XKR4: variants seen among roughly 807,000 people sequenced by gnomAD.
XKR4 encodes the protein XK-related protein 4.
XKR4 carries 12 observed loss-of-function variants against 53.9 expected under a neutral mutation model. The ratio of observed to expected loss-of-function variants is 0.22; its 90% CI spans 0.14 to 0.36. XKR4 has a LOEUF of 0.36. Ranked by LOEUF, XKR4 falls within the 10% of genes least tolerant of loss-of-function variation. The pLI is 1.00. For synonymous variants in XKR4, 354 were observed against 362.4 expected, an observed-to-expected ratio of 0.98 and a Z score of 0.26; for missense variants, 799 against 859.5, an observed-to-expected ratio of 0.93 and a Z score of 0.88.
At chr8:55,321,805 G>A (rs1174845862) in intron 1 of XKR4, among the ~76,000 whole-genome samples, 9 of 151,970 alleles carry the variant, frequency 5.9e-5, no homozygotes, top group African/African-American at 2.2e-4. Flanking sequence ...CCTGGCCAAC[G>A]TGGTGAAACC....
chr8:55,121,488 T>C (rs1228819828), intron 1 of XKR4, among the ~76,000 whole-genome samples: 1 of 152,230 alleles, frequency 6.6e-6, no homozygotes, highest in Non-Finnish European at 1.5e-5. Flanking sequence ...AGTTTGCTGT[T>C]TAGAATTTAT....
In XKR4 at chr8:55,229,100, C is replaced by T. The variant is rs192447062; in HGVS notation, c.806+125806C>T. The stretch of plus-strand genomic sequence containing the variant: ...GGAGCATGTTGTCATATGTCCGTGA[C>T]CAGGTTCCCAAACCCAGCCTACCTG... On this transcript the variant is annotated intron_variant, in intron 1 of 2. Transcript: ENST00000327381. Among the ~76,000 whole-genome samples, 248 of 152,338 alleles carry T rather than the reference C, an allele frequency of 1.6e-3. 1 individual carries two copies. Among genetic ancestry groups the T allele is most frequent in the African/African-American group, 5.6e-3 (231 of 41,572 alleles).
intron 1 of XKR4, among the ~76,000 whole-genome samples, chr8:55,325,855 A>AGAC (rs1803283980): frequency 1.3e-5 from 2 of 152,246 alleles, no homozygotes; most frequent in Admixed American, 6.5e-5. Context: ...CAAAAGAATA[A>AGAC]GACCTGGTAA....
chr8:55,415,286 G>A (rs569828109), intron 2 of XKR4, among the ~76,000 whole-genome samples: 19 of 152,160 alleles, frequency 1.2e-4, no homozygotes, highest in Non-Finnish European at 1.8e-4. Flanking sequence ...TATAAGGCAG[G>A]GAGGGCAAGG....
At chr8:55,305,980 T>C (rs1394064881) in intron 1 of XKR4, among the ~76,000 whole-genome samples, 1 of 152,252 alleles carries the variant, frequency 6.6e-6, no homozygotes, top group Admixed American at 6.5e-5. Flanking sequence ...GTAAATTGTT[T>C]AGTTTTCTCT....
chr8:55,262,761 G>A (rs1182666140), intron 1 of XKR4, among the ~76,000 whole-genome samples: 1 of 152,206 alleles, frequency 6.6e-6, no homozygotes, highest in Non-Finnish European at 1.5e-5. Flanking sequence ...GACTATGACA[G>A]TGGTAGAGCT....
chr8:55,221,660 G>T (rs568519328), intron 1 of XKR4, among the ~76,000 whole-genome samples: 2 of 152,132 alleles, frequency 1.3e-5, no homozygotes, highest in Non-Finnish European at 2.9e-5. Flanking sequence ...CACCCCCATC[G>T]CTCTCTTCAG....
In XKR4 at chr8:55,337,065, G is replaced by A. The variant is rs371787584; in HGVS notation, c.807-20613G>A. 5.9e-5 allele frequency among the ~76,000 whole-genome samples: 9 copies of A among 152,202 alleles called. No individual in the cohort carries two copies. The East Asian group carries it at 1.5e-3, about 26-fold the overall frequency. On this transcript the variant is annotated intron_variant, in intron 1 of 2. Transcript: ENST00000327381. Reference sequence around the variant, plus strand: ...ATATTTGGGTCTGAAACATTTCTGTGTGCCGCAGTTACATCCTGGCCAGCC... The same window carrying A: ...ATATTTGGGTCTGAAACATTTCTGTATGCCGCAGTTACATCCTGGCCAGCC...
At chr8:55,366,678 CTATTT>C (rs1803993458) in intron 2 of XKR4, among the ~76,000 whole-genome samples, 1 of 152,174 alleles carries the variant, frequency 6.6e-6, no homozygotes, top group Admixed American at 6.5e-5. Context: ...AAAACAAGAG[CTATTT>C]TATTTTCTCA....
intron 1 of XKR4, among the ~76,000 whole-genome samples, chr8:55,184,947 A>G (rs1817356941): frequency 6.6e-6 from 1 of 152,208 alleles, no homozygotes; most frequent in Non-Finnish European, 1.5e-5. Flanking sequence ...CAATATCTTA[A>G]TATTCAATAG....
chr8:55,218,698 G>A (rs537352007), intron 1 of XKR4, among the ~76,000 whole-genome samples: 4 of 152,286 alleles, frequency 2.6e-5, no homozygotes, highest in African/African-American at 9.6e-5. Flanking sequence ...ACATTTCAGT[G>A]TTCAGTCACA....
intron 1 of XKR4, among the ~76,000 whole-genome samples, chr8:55,213,442 C>A (rs377648502): frequency 2.6e-5 from 4 of 152,158 alleles, no homozygotes; most frequent in Admixed American, 2.6e-4. Context: ...TGAAAAGTAT[C>A]TCGAGTACCA....
At chr8:55,426,610 A>T (rs534069905) in intron 2 of XKR4, among the ~76,000 whole-genome samples, 74 of 152,350 alleles carry the variant, frequency 4.9e-4, no homozygotes, top group African/African-American at 1.7e-3. Context: ...GAGTAGTTCA[A>T]AACTGCTAAA....
intron 1 of XKR4, among the ~76,000 whole-genome samples, chr8:55,214,100 G>A (rs1236634259): frequency 6.6e-6 from 1 of 151,986 alleles, no homozygotes; most frequent in Non-Finnish European, 1.5e-5. Flanking sequence ...GCCCTCTAGT[G>A]ATTTGCCTGT....
intron 2 of XKR4, among the ~76,000 whole-genome samples, chr8:55,504,714 T>C (rs900017390): frequency 3.9e-5 from 6 of 152,198 alleles, no homozygotes; most frequent in Non-Finnish European, 7.4e-5. Context: ...TGGTTTTGCC[T>C]AACAGATGTT....
At chr8:55,316,267 C>A (rs1015199002) in intron 1 of XKR4, among the ~76,000 whole-genome samples, 2 of 152,208 alleles carry the variant, frequency 1.3e-5, no homozygotes, top group Non-Finnish European at 2.9e-5. Context: ...TCTTCCACAT[C>A]TTGTGACCAG....
chr8:55,198,298 G>A (rs955194962), intron 1 of XKR4, among the ~76,000 whole-genome samples: 23 of 152,178 alleles, frequency 1.5e-4, no homozygotes, highest in African/African-American at 4.8e-4. Context: ...TGGGTAACTT[G>A]TAGTGTGACG....
chr8:55,439,541 C>T (rs576423185), intron 2 of XKR4, among the ~76,000 whole-genome samples: 41 of 152,154 alleles, frequency 2.7e-4, no homozygotes, highest in African/African-American at 9.4e-4. Flanking sequence ...AGAGTAGGGA[C>T]AAATACAATT....
chr8:55,472,788 G>T (rs1805909735), intron 2 of XKR4, among the ~76,000 whole-genome samples: 1 of 152,100 alleles, frequency 6.6e-6, no homozygotes, highest in Non-Finnish European at 1.5e-5. Context: ...GAAGATTGGA[G>T]TATTCTGAAG....
Sources: gnomAD v4.1 joint callset for allele counts (sites outside exome capture counted in the v4.1 genomes callset) on GRCh38, gnomAD v4.1.1 for gene constraint, MANE v1.5 for transcripts, NCBI Gene and HGNC (gene_info 2026-07-23, HGNC 2026-07-21) for gene names.